AAK1: variants seen among roughly 807,000 people sequenced by gnomAD.
AAK1 encodes AP2-associated protein kinase 1.
AAK1 carries 37 observed loss-of-function variants against 116.0 expected under a neutral mutation model. The ratio of observed to expected loss-of-function variants is 0.32; its 90% CI spans 0.25 to 0.42. The LOEUF is 0.42. AAK1 is among the 10% of genes least tolerant of loss of function. AAK1 has a pLI of 1.00. For synonymous variants in AAK1, 458 were observed against 439.9 expected (o/e 1.04, Z -0.51); for missense variants, 919 against 1,170.6 (o/e 0.79, Z 3.14).
rs1674729062 is a variant in AAK1, at chr2:69,472,951, A to G, written c.*2918T>C. The G allele has an allele frequency of 1.0e-6, 1 of 985,600 alleles. No homozygotes were observed. The highest frequency in any genetic ancestry group is 1.2e-6 in the Non-Finnish European group (1 of 829,754). 61.1% of individuals were successfully genotyped at this position (985,600 alleles called of 1,614,324 possible). The stretch of plus-strand genomic sequence containing the variant: ...TAAAAGCCCATTATAATTCTTTAAA[A>G]TGTAAACACTGCTACCGTAATAGCA... On this transcript the variant is annotated 3_prime_UTR_variant, in exon 22 of 22. Coordinates refer to ENST00000409085, the MANE Select transcript of AAK1 (RefSeq NM_014911.5).
intron 3 of AAK1, 50 bp from the exon 4 acceptor site, chr2:69,544,594 A>G (rs1351810489): frequency 7.4e-7 from 1 of 1,350,604 alleles, no homozygotes. Context: ...TGCCAATAGG[A>G]CAGAATTAGC....
chr2:69,520,856 A>C lies in AAK1; in HGVS notation c.1188T>G (p.Val396=). Reference sequence around the variant, plus strand: ...AACCTGCAGCCTGAGGTGGGGGCTGAACAGTGGCCCTCTTCCGGGGTGTCA... The same window carrying C: ...AACCTGCAGCCTGAGGTGGGGGCTGCACAGTGGCCCTCTTCCGGGGTGTCA... ...PALTPRKRAT[V]QPPPQAAGSS... is the part of the protein sequence containing the mutation. The change falls in exon 11 of 22, where the codon GTT becomes GTG. Residue 396 remains valine, a synonymous_variant. Transcript: ENST00000409085. 1 of 1,578,698 alleles carries C rather than the reference A, an allele frequency of 6.3e-7. No individual in the cohort carries two copies. Among genetic ancestry groups the C allele is most frequent in the Non-Finnish European group, 8.6e-7 (1 of 1,165,632 alleles).
chr2:69,571,454 G>GGTTC (rs1401753586), intron 2 of AAK1, among the ~76,000 whole-genome samples: 3 of 152,266 alleles, frequency 2.0e-5, no homozygotes, highest in Admixed American at 2.0e-4. Flanking sequence ...GGTTCTGGGA[G>GGTTC]GTTCCCTTGT....
At chr2:69,487,586 A>T (rs1371441919) in intron 17 of AAK1, among the ~76,000 whole-genome samples, 2 of 152,190 alleles carry the variant, frequency 1.3e-5, no homozygotes, top group Non-Finnish European at 2.9e-5. Context: ...CTTCTGGGAC[A>T]GTTCATACCT....
chr2:69,552,311 T>C (rs1283628710), intron 3 of AAK1, among the ~76,000 whole-genome samples: 3 of 152,216 alleles, frequency 2.0e-5, no homozygotes, highest in Non-Finnish European at 4.4e-5. Flanking sequence ...GTTCAACTGA[T>C]TTTTAACCAA....
At chr2:69,603,760 T>A (rs1401941660) in intron 2 of AAK1, among the ~76,000 whole-genome samples, 1 of 152,118 alleles carries the variant, frequency 6.6e-6, no homozygotes, top group African/African-American at 2.4e-5. Context: ...ATCATCATCA[T>A]CATCATCTGC....
chr2:69,558,660 G>T (rs1003556148), intron 2 of AAK1, among the ~76,000 whole-genome samples: 13 of 152,200 alleles, frequency 8.5e-5, no homozygotes, highest in African/African-American at 3.1e-4. Context: ...TTGCACAGAG[G>T]TGGTCACTAA....
chr2:69,572,853 C>G (rs1211315005), intron 2 of AAK1, among the ~76,000 whole-genome samples: 1 of 151,952 alleles, frequency 6.6e-6, no homozygotes, highest in African/African-American at 2.4e-5. Context: ...AAACAGAAAC[C>G]TAGTGACTCC....
At position 69,466,136 on chromosome 2, in the gene AAK1, G is replaced by A; in HGVS notation, c.*9733C>T. ...CTATGGCAAAAACATCTGGCTCACT[G>A]AGCCCATCAGTGGCTGGCTGTGTGA... On this transcript the variant is annotated 3_prime_UTR_variant, in exon 22 of 22. Coordinates refer to ENST00000409085, the MANE Select transcript of AAK1 (RefSeq NM_014911.5). 1 of 1,290,532 alleles carries A rather than the reference G, an allele frequency of 7.7e-7. No homozygotes were observed. Among genetic ancestry groups the A allele is most frequent in the South Asian group, 1.2e-5 (1 of 81,028 alleles). The allele number at this position is 1,290,532 out of a possible 1,614,324, so 79.9% of individuals were successfully genotyped here. A position where few individuals can be genotyped will look rare whatever the true frequency, so the allele number is the denominator to read the frequency against.
At position 69,643,225 on chromosome 2, in the gene AAK1, G is replaced by C. The variant is rs749096268; in HGVS notation, c.-185C>G. ...GCCTATAGGAATATGCGTGTCAATC[G>C]CGCAGCGGGTCCCCTCCTCCTCCAG... On this transcript the variant is annotated 5_prime_UTR_variant, in exon 2 of 22. Coordinates refer to ENST00000409085, the MANE Select transcript of AAK1 (RefSeq NM_014911.5). The C allele has an allele frequency of 7.1e-7, 1 of 1,409,216 alleles. No individual in the cohort carries two copies. 87.3% of individuals were successfully genotyped at this position (1,409,216 alleles called of 1,614,324 possible).
At chr2:69,503,184 GA>G (rs960948610) in intron 16 of AAK1, among the ~76,000 whole-genome samples, 3 of 152,002 alleles carry the variant, frequency 2.0e-5, no homozygotes, top group African/African-American at 7.3e-5. Flanking sequence ...CAGATAATAA[GA>G]ATAAGAGAGT....
chr2:69,594,762 C>A, intron 2 of AAK1: 1 of 912,984 alleles, frequency 1.1e-6, no homozygotes, highest in Admixed American at 1.7e-5. Flanking sequence ...TCACTTAGCC[C>A]TTTCTCTTCT....
chr2:69,521,692 G>A (rs571362166), intron 10 of AAK1, among the ~76,000 whole-genome samples: 23 of 152,290 alleles, frequency 1.5e-4, no homozygotes, highest in Admixed American at 6.5e-4. Context: ...CTGTTTCTAA[G>A]TCCTGGCATT....
rs1358580280 is a variant in AAK1 at position 69,480,926 on chromosome 2, C to T, written c.2503G>A (p.Gly835Arg). Residue 835 changes from glycine to arginine, a missense_variant, in exon 19 of 22, where the codon GGA (glycine) becomes AGA (arginine). This residue lies in a region of AAK1 where 263 missense variants were observed against 285.5 expected (regional missense o/e 0.92). Transcript: ENST00000409085. ...CGCTGGGGAACTGGGGGCTCCAGTCCTGGTATGAGACTCTCAACAGCAACA... is the reference window on the plus strand; with the variant it reads ...CGCTGGGGAACTGGGGGCTCCAGTCTTGGTATGAGACTCTCAACAGCAACA... The part of the protein sequence containing the change: ...ADVAVESLIP[G>R]LEPPVPQRLP... The T allele has an allele frequency of 6.2e-7, 1 of 1,607,526 alleles. No homozygotes were observed. The highest frequency in any genetic ancestry group is 1.7e-5 in the Admixed American group (1 of 59,270).
At chr2:69,559,298 A>T (rs200547354) in intron 2 of AAK1, among the ~76,000 whole-genome samples, 7,892 of 78,276 alleles carry the variant, frequency 0.1, 671 homozygotes, top group African/African-American at 0.24. Flanking sequence ...ACACACACAC[A>T]CTCTCTCTCT....
At chr2:69,498,163 T>A (rs1675825705) in intron 16 of AAK1, among the ~76,000 whole-genome samples, 1 of 152,200 alleles carries the variant, frequency 6.6e-6, no homozygotes, top group South Asian at 2.1e-4. Context: ...GGGCTCAGCA[T>A]CCCCTCTACT....
At chr2:69,609,456 C>T (rs1207420504) in intron 2 of AAK1, among the ~76,000 whole-genome samples, 4 of 151,218 alleles carry the variant, frequency 2.6e-5, no homozygotes, top group Admixed American at 6.6e-5. Context: ...CAGAGGCAGG[C>T]GGATCACCTG....
intron 2 of AAK1, among the ~76,000 whole-genome samples, chr2:69,614,621 T>C (rs1279846261): frequency 6.6e-6 from 1 of 152,180 alleles, no homozygotes; most frequent in African/African-American, 2.4e-5. Flanking sequence ...GGTTGAATAA[T>C]GGTTCCCCCA....
rs1275987165 is a variant in AAK1 at position 69,471,489 on chromosome 2, A to T, written c.*4380T>A. 2.0e-6 allele frequency: 2 copies of T among 985,312 alleles called. No individual in the cohort carries two copies. Among genetic ancestry groups the T allele is most frequent in the African/African-American group, 1.7e-5 (1 of 57,238 alleles). The allele number at this position is 985,312 out of a possible 1,614,324, so 61.0% of individuals were successfully genotyped here. On this transcript the variant is annotated 3_prime_UTR_variant, in exon 22 of 22. Transcript: ENST00000409085. ...AGCTTTGCAGTATCTGGAGTGTTTC[A>T]GGAAAGCTTCCATTCTAAATATTCA...
Sources: gnomAD v4.1 joint callset for allele counts (sites outside exome capture counted in the v4.1 genomes callset) on GRCh38, gnomAD v4.1.1 for gene constraint, gnomAD v4.1.1 regional missense constraint, MANE v1.5 for transcripts, NCBI Gene and HGNC (gene_info 2026-07-23, HGNC 2026-07-21) for gene names.